The following LTBP1 variants were observed in gnomAD, a reference collection of about 807,000 sequenced individuals.
The protein encoded by LTBP1 is latent transforming growth factor beta binding protein 1.
In LTBP1, 129 loss-of-function variants were observed where a neutral mutation model predicts 207.6. That is an observed-to-expected ratio of 0.62 (90% CI 0.54 to 0.72). The LOEUF (loss-of-function observed/expected upper bound fraction) is 0.72. LTBP1 is among the 30% of genes least tolerant of loss of function. The pLI is 0.00. For missense variants in LTBP1, 2,281 were observed against 2,217.2 expected, an observed-to-expected ratio of 1.03 and a Z score of -0.58; for synonymous variants, 963 against 833.7, an observed-to-expected ratio of 1.16 and a Z score of -2.67.
chr2:33,226,703 C>G (rs939550018), intron 9 of LTBP1, among the ~76,000 whole-genome samples: 1 of 152,170 alleles, frequency 6.6e-6, no homozygotes, highest in Non-Finnish European at 1.5e-5. Context: ...ACTTCTGGGT[C>G]ACTGTCGTGG....
intron 9 of LTBP1, among the ~76,000 whole-genome samples, chr2:33,242,061 A>G (rs2092344800): frequency 6.6e-6 from 1 of 152,244 alleles, no homozygotes; most frequent in Admixed American, 6.5e-5. Context: ...TATCATTTGA[A>G]TGTCACGGAA....
chr2:33,351,459 A>G (rs920040839), intron 26 of LTBP1, among the ~76,000 whole-genome samples: 6 of 152,242 alleles, frequency 3.9e-5, no homozygotes, highest in African/African-American at 1.2e-4. Flanking sequence ...GATAATACAC[A>G]TTAATCATAG....
chr2:33,233,073 T>C (rs1378438743), intron 9 of LTBP1, among the ~76,000 whole-genome samples: 1 of 152,164 alleles, frequency 6.6e-6, no homozygotes, highest in African/African-American at 2.4e-5. Context: ...AATGTCACTC[T>C]GAAAACTCAT....
intron 8 of LTBP1, among the ~76,000 whole-genome samples, chr2:33,221,741 A>T (rs1398644004): frequency 2.0e-5 from 3 of 152,228 alleles, no homozygotes; most frequent in Non-Finnish European, 4.4e-5. Flanking sequence ...ATGGATAAGA[A>T]AATCCAAAAC....
intron 2 of LTBP1, among the ~76,000 whole-genome samples, chr2:32,967,445 A>G (rs769032188): frequency 9.2e-5 from 14 of 152,140 alleles, no homozygotes; most frequent in Non-Finnish European, 1.8e-4. Flanking sequence ...TTTTAAATAT[A>G]TGCATTCATT....
intron 2 of LTBP1, among the ~76,000 whole-genome samples, chr2:32,972,117 GT>G (rs367726622): frequency 2.1e-4 from 26 of 124,268 alleles, no homozygotes; most frequent in African/African-American, 4.0e-4. Flanking sequence ...TGAGTTTTTT[GT>G]TTTTTTTTTT....
Position 33,019,113 on chromosome 2 carries a change from T to C in LTBP1, c.566-1796T>C, listed in dbSNP as rs1397309722. Among the ~76,000 whole-genome samples, 3 of 152,172 alleles carry C rather than the reference T, an allele frequency of 2.0e-5. No homozygotes were observed. In the South Asian group the frequency reaches 6.2e-4, roughly 31 times the overall value. ...TGTTGTTCGTTTTGCTTGTCTATTT[T>C]GTAATTGCTTTGTGGACTGAAGCTT... On this transcript the variant is annotated intron_variant, in intron 2 of 33. Coordinates refer to ENST00000404816, the MANE Select transcript of LTBP1 (RefSeq NM_206943.4).
At chr2:32,975,613 T>G (rs1681630558) in intron 2 of LTBP1, among the ~76,000 whole-genome samples, 4 of 117,422 alleles carry the variant, frequency 3.4e-5, no homozygotes, top group East Asian at 3.1e-4. Flanking sequence ...TTTTTTTTTT[T>G]TTTTTTTTGT....
intron 22 of LTBP1, among the ~76,000 whole-genome samples, 177 bp from the exon 23 acceptor site, chr2:33,309,257 T>G (rs1390868346): frequency 1.4e-5 from 2 of 146,606 alleles, no homozygotes; most frequent in African/African-American, 5.1e-5. Context: ...CACTCCAGCA[T>G]GGGTGATGGC....
intron 5 of LTBP1, among the ~76,000 whole-genome samples, chr2:33,184,348 C>A (rs115354076): frequency 2.5e-4 from 38 of 152,276 alleles, no homozygotes; most frequent in African/African-American, 8.4e-4. Flanking sequence ...CACAAGCCTC[C>A]TTCTTCGAAT....
chr2:33,053,219 G>A (rs1029063587), intron 3 of LTBP1, among the ~76,000 whole-genome samples: 11 of 152,072 alleles, frequency 7.2e-5, no homozygotes, highest in Non-Finnish European at 1.5e-4. Context: ...AGCAAAATTG[G>A]AGAGGAAGGT....
chr2:33,242,771 C>T (rs575506464), intron 9 of LTBP1, among the ~76,000 whole-genome samples: 60 of 151,832 alleles, frequency 4.0e-4, no homozygotes, highest in African/African-American at 1.4e-3. Flanking sequence ...CAACCTCATA[C>T]TTGCATGACC....
intron 9 of LTBP1, among the ~76,000 whole-genome samples, chr2:33,243,387 G>A (rs1244123717): frequency 2.0e-5 from 3 of 152,080 alleles, no homozygotes; most frequent in African/African-American, 7.2e-5. Flanking sequence ...TAACACTAAA[G>A]CAAAAGCTCT....
chr2:33,247,070 T>A (rs1301939589), intron 10 of LTBP1, among the ~76,000 whole-genome samples: 1 of 152,202 alleles, frequency 6.6e-6, no homozygotes, highest in Non-Finnish European at 1.5e-5. Flanking sequence ...GCTGAGAATG[T>A]GTCCATAGGT....
At chr2:33,277,577 G>T (rs974971500) in intron 18 of LTBP1, among the ~76,000 whole-genome samples, 2 of 151,936 alleles carry the variant, frequency 1.3e-5, no homozygotes, top group Non-Finnish European at 2.9e-5. Context: ...TAGTTTTCAA[G>T]AAGTTATAGT....
rs2093989442 is a variant in LTBP1, at chr2:33,301,577, T to C, written c.3414T>C (p.Thr1138=). The change falls in exon 22 of 34, where the codon ACT becomes ACC. Residue 1138 remains threonine, a synonymous_variant. Coordinates refer to ENST00000404816, the MANE Select transcript of LTBP1 (RefSeq NM_206943.4). ...GTGCTCATGGGCAGTGCAGGAACAC[T>C]GAGGGCTCTTTTCAATGTGTGTGTG... ...HLCAHGQCRN[T]EGSFQCVCDQ... The C allele has an allele frequency of 4.3e-6, 7 of 1,613,154 alleles. No individual in the cohort carries two copies. The highest frequency in any genetic ancestry group is 2.7e-5 in the African/African-American group (2 of 74,910).
intron 26 of LTBP1, among the ~76,000 whole-genome samples, chr2:33,356,098 TA>T (rs1046182339): frequency 6.6e-6 from 1 of 150,894 alleles, no homozygotes; most frequent in African/African-American, 2.4e-5. Context: ...AAGAAGGCTT[TA>T]ATTGGGTGCT....
chr2:33,151,380 G>T (rs145026837), intron 5 of LTBP1, among the ~76,000 whole-genome samples: 1 of 151,990 alleles, frequency 6.6e-6, no homozygotes, highest in African/African-American at 2.4e-5. Flanking sequence ...AGTGTGTGAG[G>T]GTTCCATTTT....
At chr2:33,011,151 A>G (rs537493871) in intron 2 of LTBP1, among the ~76,000 whole-genome samples, 1 of 152,286 alleles carries the variant, frequency 6.6e-6, no homozygotes, top group African/African-American at 2.4e-5. Flanking sequence ...CAGGATGATT[A>G]TTTTTAGGGC....
Sources: gnomAD v4.1 joint callset for allele counts (sites outside exome capture counted in the v4.1 genomes callset) on GRCh38, gnomAD v4.1.1 for gene constraint, MANE v1.5 for transcripts, NCBI Gene and HGNC (gene_info 2026-07-23, HGNC 2026-07-21) for gene names.